The following FMR1NB variants were observed in gnomAD, a reference collection of about 807,000 sequenced individuals.
FMR1NB encodes the protein FMR1 neighbor protein.
Under a neutral mutation model 16.8 loss-of-function variants are expected in FMR1NB, and 10 were observed. That is an observed-to-expected ratio of 0.60 (90% confidence interval 0.37 to 1.01). FMR1NB has a LOEUF of 1.01. Ranked by LOEUF, FMR1NB falls within the 50% of genes least tolerant of loss-of-function variation. The probability of loss-of-function intolerance (pLI) is 0.01; values close to 1 mark genes in which losing one functional copy is unlikely to be tolerated. For synonymous variants in FMR1NB, 83 were observed against 79.1 expected, an observed-to-expected ratio of 1.05 and a Z score of -0.26; for missense variants, 205 against 204.8, an observed-to-expected ratio of 1.00 and a Z score of 0.00.
intron 1 of FMR1NB, 27 bp downstream of exon 1, chrX:147,981,706 GAAATGCT>G: frequency 2.7e-6 from 1 of 371,395 alleles, no homozygotes; most frequent in Non-Finnish European, 3.7e-6. Context: ...GCCAGGCAGG[GAAATGCT>G]GGGGGAGGGG....
chrX:148,004,988 C>G (rs782410541), intron 2 of FMR1NB, among the ~76,000 whole-genome samples: 1 of 112,509 alleles, frequency 8.9e-6, no homozygotes, highest in African/African-American at 3.2e-5. Context: ...TTCCCAGGTT[C>G]AAGCAATTCT....
chrX:148,007,642 A>G (rs1458242501), intron 3 of FMR1NB, among the ~76,000 whole-genome samples: 1 of 111,409 alleles, frequency 9.0e-6, no homozygotes, highest in Non-Finnish European at 1.9e-5. Flanking sequence ...TTCTTTACAA[A>G]GTTTTGAGAA....
chrX:147,981,360 T>TGGCAGTGAGGCAC lies in FMR1NB; in HGVS notation c.-43_-42insGGCAGTGAGGCAC, dbSNP rs782606068. ...TTCTGGGCCACGGACTGCCGGACCGTTGGGCTGTGAGGCAGCGTCTCAGCG... is the reference window on the plus strand; with the variant it reads ...TTCTGGGCCACGGACTGCCGGACCGTGGCAGTGAGGCACTGGGCTGTGAGGCAGCGTCTCAGCG... On this transcript the variant is annotated 5_prime_UTR_variant, in exon 1 of 6. Coordinates refer to ENST00000370467, the MANE Select transcript of FMR1NB (RefSeq NM_152578.3). The TGGCAGTGAGGCAC allele has an allele frequency of 1.1e-6, 1 of 944,164 alleles. No individual in the cohort carries two copies. The highest frequency in any genetic ancestry group is 1.4e-6 in the Non-Finnish European group (1 of 739,444). 77.8% of individuals were successfully genotyped at this position (944,164 alleles called of 1,213,427 possible). A position where few individuals can be genotyped will look rare whatever the true frequency, so the allele number is the denominator to read the frequency against.
chrX:147,984,044 G>C (rs1300071189), intron 1 of FMR1NB, among the ~76,000 whole-genome samples: 3 of 111,982 alleles, frequency 2.7e-5, no homozygotes, highest in African/African-American at 9.8e-5. Flanking sequence ...TATAGGTTTA[G>C]TTCTGGACTC....
Position 148,025,020 on chromosome X carries a change from G to A in FMR1NB, c.*13+7G>A. 2 of 1,205,224 alleles carry A rather than the reference G, an allele frequency of 1.7e-6. No homozygotes were observed. The highest frequency in any genetic ancestry group is 2.2e-6 in the Non-Finnish European group (2 of 891,539). On this transcript the variant is annotated splice_region_variant and intron_variant, in intron 5 of 5. Coordinates refer to ENST00000370467, the MANE Select transcript of FMR1NB (RefSeq NM_152578.3). Reference sequence around the variant, plus strand: ...GAGTAGCAAGAGACCAAAGGTAATTGACAATAGGATATAAAGTTGAAGTGC... The same window carrying A: ...GAGTAGCAAGAGACCAAAGGTAATTAACAATAGGATATAAAGTTGAAGTGC...
At chrX:148,016,718 C>T (rs1297826603) in intron 4 of FMR1NB, among the ~76,000 whole-genome samples, 1 of 111,533 alleles carries the variant, frequency 9.0e-6, no homozygotes, top group Non-Finnish European at 1.9e-5. Flanking sequence ...TTTGCATAAA[C>T]AGTCAACAAA....
intron 1 of FMR1NB, among the ~76,000 whole-genome samples, chrX:147,994,830 AT>A (rs2044533977): frequency 8.9e-6 from 1 of 112,484 alleles, no homozygotes; most frequent in South Asian, 3.6e-4. Flanking sequence ...TATGAATTAA[AT>A]TTAATTTGCA....
chrX:148,019,290 T>C (rs1557190427), intron 4 of FMR1NB, among the ~76,000 whole-genome samples: 1 of 112,646 alleles, frequency 8.9e-6, no homozygotes, highest in Non-Finnish European at 1.9e-5. Context: ...TTGTCTGATA[T>C]AATTATGCAT....
intron 4 of FMR1NB, among the ~76,000 whole-genome samples, chrX:148,019,676 T>C (rs1222935832): frequency 1.8e-5 from 2 of 112,158 alleles, no homozygotes; most frequent in African/African-American, 6.5e-5. Flanking sequence ...TCCTTAATGA[T>C]CTTGGGAAAA....
chrX:147,998,557 A>T (rs1221439009), intron 1 of FMR1NB, among the ~76,000 whole-genome samples: 1 of 112,256 alleles, frequency 8.9e-6, no homozygotes. Flanking sequence ...TACCTATGTA[A>T]CAAACCTGCA....
chrX:148,003,341 T>C (rs1557188810), intron 2 of FMR1NB, 21 bp downstream of exon 2: 3 of 1,204,783 alleles, frequency 2.5e-6, no homozygotes, highest in African/African-American at 1.7e-5. Context: ...GTTTGATTTT[T>C]TTCCCCCTCT....
chrX:148,006,500 A>G (rs936073518), intron 2 of FMR1NB, among the ~76,000 whole-genome samples: 4 of 112,342 alleles, frequency 3.6e-5, no homozygotes, highest in Admixed American at 2.8e-4. Flanking sequence ...ATTTTCTGCA[A>G]TTCACCTAGA....
At chrX:147,987,246 A>G (rs1348872577) in intron 1 of FMR1NB, among the ~76,000 whole-genome samples, 1 of 111,786 alleles carries the variant, frequency 8.9e-6, no homozygotes, top group Non-Finnish European at 1.9e-5. Flanking sequence ...TTTTCTAAAT[A>G]TATAAAATCA....
intron 1 of FMR1NB, among the ~76,000 whole-genome samples, chrX:147,983,036 T>A (rs1471931115): frequency 4.4e-5 from 5 of 112,383 alleles, no homozygotes; most frequent in African/African-American, 1.6e-4. Context: ...CCACCCCAAA[T>A]TAAAACCCAT....
At chrX:148,008,440 A>G (rs2044607835) in intron 3 of FMR1NB, among the ~76,000 whole-genome samples, 178 bp from the exon 4 acceptor site, 1 of 112,276 alleles carries the variant, frequency 8.9e-6, no homozygotes. Flanking sequence ...GTATTTCAAG[A>G]ACATTTCATG....
chrX:147,993,854 C>A (rs1171210047), intron 1 of FMR1NB, among the ~76,000 whole-genome samples: 1 of 111,001 alleles, frequency 9.0e-6, no homozygotes, highest in Non-Finnish European at 1.9e-5. Context: ...GCCTTCTTTT[C>A]TTCCTTCCAC....
At chrX:148,015,250 AT>A (rs1299458282) in intron 4 of FMR1NB, among the ~76,000 whole-genome samples, 1 of 110,585 alleles carries the variant, frequency 9.0e-6, no homozygotes, top group Non-Finnish European at 1.9e-5. Flanking sequence ...TGTGAATTTT[AT>A]TTATCTTTCT....
At chrX:147,983,287 G>A (rs186344907) in intron 1 of FMR1NB, among the ~76,000 whole-genome samples, 60 of 111,938 alleles carry the variant, frequency 5.4e-4, no homozygotes, top group Non-Finnish European at 9.0e-4. Flanking sequence ...GGTCATATGG[G>A]AACTCCATTG....
intron 3 of FMR1NB, 62 bp from the exon 4 acceptor site, chrX:148,008,556 G>A: frequency 9.4e-7 from 1 of 1,061,712 alleles, no homozygotes; most frequent in Non-Finnish European, 1.3e-6. Context: ...CTTTATGAAA[G>A]AACTTGGATT....
Sources: allele counts gnomAD v4.1 joint callset (sites outside exome capture counted in the v4.1 genomes callset), GRCh38; gene constraint gnomAD v4.1.1; transcripts MANE v1.5; gene names NCBI Gene and HGNC (gene_info 2026-07-23, HGNC 2026-07-21).